The following ITGBL1 variants were observed in gnomAD, a reference collection of about 807,000 sequenced individuals.
ITGBL1 encodes the protein integrin beta-like protein 1.
A neutral mutation model predicts 68.5 loss-of-function variants in ITGBL1; 51 were observed. That is an observed-to-expected ratio of 0.74 (90% CI 0.59 to 0.94). The LOEUF (loss-of-function observed/expected upper bound fraction) is 0.94. ITGBL1 is among the 40% of genes least tolerant of loss of function. ITGBL1 has a pLI of 0.00. For missense variants in ITGBL1, 649 were observed against 647.4 expected, an observed-to-expected ratio of 1.00 and a Z score of -0.03; for synonymous variants, 209 against 227.3, an observed-to-expected ratio of 0.92 and a Z score of 0.72.
chr13:101,537,360 A>G (rs2049597131), intron 2 of ITGBL1, among the ~76,000 whole-genome samples: 2 of 152,066 alleles, frequency 1.3e-5, no homozygotes, highest in African/African-American at 2.4e-5. Flanking sequence ...ATTTCCAGTA[A>G]CAAATGGATG....
chr13:101,650,085 GA>G (rs1482625099), intron 7 of ITGBL1, among the ~76,000 whole-genome samples: 10 of 152,066 alleles, frequency 6.6e-5, no homozygotes, highest in Non-Finnish European at 4.4e-5. Flanking sequence ...GTTTTTTTCT[GA>G]AAATGCATTG....
At chr13:101,571,318 C>G (rs1009964411) in intron 3 of ITGBL1, among the ~76,000 whole-genome samples, 2 of 152,144 alleles carry the variant, frequency 1.3e-5, no homozygotes, top group African/African-American at 4.8e-5. Context: ...CACTTCCCCC[C>G]ACTCACTGTA....
intron 2 of ITGBL1, among the ~76,000 whole-genome samples, chr13:101,473,082 G>C (rs1278016357): frequency 6.6e-6 from 1 of 152,148 alleles, no homozygotes; most frequent in Non-Finnish European, 1.5e-5. Flanking sequence ...TGATTCTTGA[G>C]AGGGAAGTGG....
At chr13:101,585,958 C>T (rs896529941) in intron 6 of ITGBL1, among the ~76,000 whole-genome samples, 6 of 151,916 alleles carry the variant, frequency 3.9e-5, no homozygotes, top group Admixed American at 6.6e-5. Flanking sequence ...TACATTATAG[C>T]GATAATTCAG....
intron 7 of ITGBL1, among the ~76,000 whole-genome samples, chr13:101,677,027 G>T (rs1283492209): frequency 6.6e-6 from 1 of 152,060 alleles, no homozygotes; most frequent in African/African-American, 2.4e-5. Context: ...GGGATGCTGA[G>T]GCACGAGAAT....
At chr13:101,492,481 A>T (rs1005738179) in intron 2 of ITGBL1, among the ~76,000 whole-genome samples, 7 of 152,128 alleles carry the variant, frequency 4.6e-5, no homozygotes, top group Admixed American at 6.5e-5. Context: ...TTTGTAATTT[A>T]CAGTGGATAC....
chr13:101,655,321 G>T (rs1566777779), intron 7 of ITGBL1, among the ~76,000 whole-genome samples: 1 of 152,156 alleles, frequency 6.6e-6, no homozygotes, highest in South Asian at 2.1e-4. Flanking sequence ...TGGACATATT[G>T]CAAAAAGCAG....
At chr13:101,683,458 A>G (rs2033687560) in intron 7 of ITGBL1, among the ~76,000 whole-genome samples, 1 of 152,038 alleles carries the variant, frequency 6.6e-6, no homozygotes, top group Non-Finnish European at 1.5e-5. Context: ...TATAGCTGAT[A>G]TGTAAGTATT....
intron 1 of ITGBL1, among the ~76,000 whole-genome samples, chr13:101,453,451 A>G (rs2048191909): frequency 6.6e-6 from 1 of 152,254 alleles, no homozygotes; most frequent in African/African-American, 2.4e-5. Context: ...CTCTTCTGTA[A>G]TATAAGTGCC....
chr13:101,606,443 C>G (rs1390630850), intron 7 of ITGBL1, among the ~76,000 whole-genome samples: 1 of 151,568 alleles, frequency 6.6e-6, no homozygotes, highest in African/African-American at 2.4e-5. Context: ...ATTTCGGTTC[C>G]TGGGAGTAAA....
chr13:101,637,564 C>T (rs916054456), intron 7 of ITGBL1, among the ~76,000 whole-genome samples: 9 of 152,116 alleles, frequency 5.9e-5, no homozygotes, highest in Admixed American at 1.3e-4. Context: ...AGAAAGGTCT[C>T]GATCTCCTGA....
At chr13:101,679,230 T>C (rs887999470) in intron 7 of ITGBL1, among the ~76,000 whole-genome samples, 1 of 152,144 alleles carries the variant, frequency 6.6e-6, no homozygotes, top group East Asian at 1.9e-4. Flanking sequence ...ATAGAAACAT[T>C]TATCTGATTA....
chr13:101,670,008 C>A (rs2033319098), intron 7 of ITGBL1, among the ~76,000 whole-genome samples: 2 of 151,950 alleles, frequency 1.3e-5, no homozygotes, highest in African/African-American at 4.8e-5. Context: ...GCCTTTTTTT[C>A]CCCCTCCAGT....
At chr13:101,538,511 A>G (rs2049619738) in intron 2 of ITGBL1, among the ~76,000 whole-genome samples, 1 of 152,156 alleles carries the variant, frequency 6.6e-6, no homozygotes, top group Non-Finnish European at 1.5e-5. Context: ...GGCCATATCT[A>G]TGAAACTTAT....
chr13:101,560,064 G>T (rs1015290998), intron 2 of ITGBL1, among the ~76,000 whole-genome samples: 3 of 152,154 alleles, frequency 2.0e-5, no homozygotes, highest in Non-Finnish European at 2.9e-5. Context: ...GCCAGGGACT[G>T]GTGCCCTGTC....
intron 8 of ITGBL1, among the ~76,000 whole-genome samples, chr13:101,705,566 C>T (rs747221516): frequency 5.3e-5 from 8 of 151,904 alleles, no homozygotes; most frequent in Non-Finnish European, 1.0e-4. Flanking sequence ...CTCCACTAAA[C>T]TGTTAGAGGG....
intron 2 of ITGBL1, among the ~76,000 whole-genome samples, chr13:101,510,824 C>A (rs2049103926): frequency 6.6e-6 from 1 of 151,870 alleles, no homozygotes; most frequent in Non-Finnish European, 1.5e-5. Flanking sequence ...TGTCTTTTGC[C>A]CACTTTTTAA....
At chr13:101,588,706 AAAC>A (rs2050601090) in intron 6 of ITGBL1, among the ~76,000 whole-genome samples, 1 of 151,558 alleles carries the variant, frequency 6.6e-6, no homozygotes, top group Non-Finnish European at 1.5e-5. Context: ...AAAAAAAAAA[AAAC>A]CTGATGTAAT....
chr13:101,463,976 TC>T lies in ITGBL1; in HGVS notation c.316+9877del, dbSNP rs545231304. On this transcript the variant is annotated intron_variant, in intron 2 of 10. Coordinates refer to ENST00000376180, the MANE Select transcript of ITGBL1 (RefSeq NM_004791.3). ...CAGACTGGAGTGCAGTGGTGTGATC[TC>T]AGCTCACTGCAACCTCCACCCCCCG... 2.8e-3 allele frequency among the ~76,000 whole-genome samples: 421 copies of T among 149,748 alleles called. 1 individual carries two copies. Among genetic ancestry groups the T allele is most frequent in the African/African-American group, 9.8e-3 (397 of 40,666 alleles).
Sources: gnomAD v4.1 joint callset for allele counts (sites outside exome capture counted in the v4.1 genomes callset) on GRCh38, gnomAD v4.1.1 for gene constraint, MANE v1.5 for transcripts, NCBI Gene and HGNC (gene_info 2026-07-23, HGNC 2026-07-21) for gene names.